GSG1L: variants seen among roughly 807,000 people sequenced by gnomAD.
GSG1L encodes the protein GSG1 like.
Under a neutral mutation model 42.1 loss-of-function variants are expected in GSG1L, and 24 were observed. The observed-to-expected ratio is 0.57, with a 90% CI of 0.41 to 0.80. The LOEUF (loss-of-function observed/expected upper bound fraction) is 0.80, where lower values mean the gene tolerates loss of function less well. Ranked by LOEUF, GSG1L falls within the 30% of genes least tolerant of loss-of-function variation. GSG1L has a pLI of 0.00. For synonymous variants in GSG1L, 215 were observed against 203.5 expected (o/e 1.06, Z -0.48); for missense variants, 445 against 472.2 (o/e 0.94, Z 0.53).
chr16:27,938,774 A>C (rs576973671), intron 2 of GSG1L, among the ~76,000 whole-genome samples: 1 of 152,332 alleles, frequency 6.6e-6, no homozygotes, highest in South Asian at 2.1e-4. Flanking sequence ...GGTGGTAGGA[A>C]GTGAGCAGAA....
chr16:27,848,375 A>C (rs999855254), intron 3 of GSG1L, among the ~76,000 whole-genome samples: 1 of 152,248 alleles, frequency 6.6e-6, no homozygotes, highest in Non-Finnish European at 1.5e-5. Context: ...GTTAGTATAA[A>C]GGTCAAGAGT....
chr16:27,973,786 T>C (rs1280832269), intron 1 of GSG1L, among the ~76,000 whole-genome samples: 1 of 152,150 alleles, frequency 6.6e-6, no homozygotes, highest in Non-Finnish European at 1.5e-5. Flanking sequence ...GTGCATATTA[T>C]AGGGTAGGTC....
intron 3 of GSG1L, among the ~76,000 whole-genome samples, chr16:27,865,582 CAT>C (rs1360155312): frequency 1.0e-3 from 114 of 108,970 alleles, no homozygotes; most frequent in East Asian, 7.0e-3. Context: ...TACACACACA[CAT>C]ACATACATAC....
chr16:27,979,661 A>AAGAGAAAGAAAGAAAGAAAG (rs1555512079), intron 1 of GSG1L, among the ~76,000 whole-genome samples: 1 of 67,696 alleles, frequency 1.5e-5, no homozygotes, highest in Admixed American at 1.8e-4. Flanking sequence ...GAAAGAAAGA[A>AAGAGAAAGAAAGAAAGAAAG]AGAGAGAGAG....
At chr16:27,918,649 ACTCCAT>A (rs973533364) in intron 2 of GSG1L, among the ~76,000 whole-genome samples, 3 of 145,250 alleles carry the variant, frequency 2.1e-5, no homozygotes, top group African/African-American at 7.6e-5. Context: ...ACAGAGCAAG[ACTCCAT>A]CTCAAAAAAA....
intron 2 of GSG1L, among the ~76,000 whole-genome samples, chr16:27,909,325 CTCTTTCTTTCTTTTTCTT>C (rs1157817320): frequency 2.6e-5 from 4 of 151,634 alleles, no homozygotes; most frequent in Non-Finnish European, 4.4e-5. Flanking sequence ...TTTCTTTTCT[CTCTTTCTTTCTTTTTCTT>C]TCTTTCTTTC....
At chr16:27,973,520 G>T (rs187458124) in intron 1 of GSG1L, among the ~76,000 whole-genome samples, 1 of 148,658 alleles carries the variant, frequency 6.7e-6, no homozygotes, top group East Asian at 2.1e-4. Context: ...ACCTACATGC[G>T]GGTCAGAGGA....
At chr16:27,912,457 C>T (rs917325965) in intron 2 of GSG1L, among the ~76,000 whole-genome samples, 14 of 152,150 alleles carry the variant, frequency 9.2e-5, no homozygotes, top group African/African-American at 3.4e-4. Context: ...GTTGAGGCTG[C>T]AGTGATCCCT....
chr16:28,054,256 C>T (rs559618429), intron 1 of GSG1L, among the ~76,000 whole-genome samples: 3 of 152,200 alleles, frequency 2.0e-5, no homozygotes, highest in African/African-American at 7.2e-5. Flanking sequence ...CCCTCCTCTA[C>T]CTCCATCACC....
chr16:27,965,698 C>A (rs4788018), intron 1 of GSG1L, among the ~76,000 whole-genome samples: 36,995 of 152,118 alleles, frequency 0.24, 4,984 homozygotes, highest in East Asian at 0.49. Context: ...CTTCCCAATG[C>A]GTCTAGCATC....
chr16:27,849,118 GGCAGAAGCT>G (rs1349095449), intron 3 of GSG1L, among the ~76,000 whole-genome samples: 1 of 151,004 alleles, frequency 6.6e-6, no homozygotes, highest in Non-Finnish European at 1.5e-5. Flanking sequence ...AAACCTAGGA[GGCAGAAGCT>G]GCAGAAGCTG....
In GSG1L at chr16:28,063,442, G is replaced by A; in HGVS notation, c.-18C>T. The A allele has an allele frequency of 8.1e-7, 1 of 1,231,012 alleles. No homozygotes were observed. Among genetic ancestry groups the A allele is most frequent in the Non-Finnish European group, 1.0e-6 (1 of 981,798 alleles). The allele number at this position is 1,231,012 out of a possible 1,614,324, so 76.3% of individuals were successfully genotyped here. ...GTCTTCATGCCGCCCGCGCCGCCGG[G>A]ACGGGACTGCACCGCCGGGGAGCTC... On this transcript the variant is annotated 5_prime_UTR_variant, in exon 1 of 7. Transcript: ENST00000447459. This position sits in a 1 kb window ranked among gnomAD's most constrained non-coding sequence, Gnocchi z 5.8.
chr16:27,940,034 G>A (rs2084769443), intron 2 of GSG1L, among the ~76,000 whole-genome samples: 1 of 152,176 alleles, frequency 6.6e-6, no homozygotes, highest in African/African-American at 2.4e-5. Context: ...CCATCAAAAA[G>A]CGGGCAAGGA....
chr16:28,042,145 CAT>C (rs2141185960), intron 1 of GSG1L, among the ~76,000 whole-genome samples: 1 of 152,228 alleles, frequency 6.6e-6, no homozygotes, highest in African/African-American at 2.4e-5. Flanking sequence ...CTAGTAAAGT[CAT>C]AAAATGGGCT....
At chr16:28,056,496 C>G (rs2086281121) in intron 1 of GSG1L, among the ~76,000 whole-genome samples, 2 of 149,392 alleles carry the variant, frequency 1.3e-5, no homozygotes, top group Non-Finnish European at 3.0e-5. Context: ...GGAGGGATAG[C>G]ATTAGGAGAT....
At chr16:27,940,506 T>C (rs1242648203) in intron 2 of GSG1L, among the ~76,000 whole-genome samples, 1 of 140,834 alleles carries the variant, frequency 7.1e-6, no homozygotes, top group African/African-American at 2.6e-5. Context: ...ATATACACCA[T>C]GGAATACTAT....
rs553614382 is a variant in GSG1L, at chr16:27,828,912, G to A, written c.707C>T (p.Thr236Ile). The A allele has an allele frequency of 1.2e-6, 2 of 1,614,232 alleles. No homozygotes were observed. The highest frequency in any genetic ancestry group is 2.7e-5 in the African/African-American group (2 of 75,056). The change falls in exon 5 of 7, where the codon ACC becomes ATC. Residue 236 changes from threonine to isoleucine, a missense_variant. By Grantham distance (89) the Thr-to-Ile change is moderately conservative (BLOSUM62 -1). Coordinates refer to ENST00000447459, the MANE Select transcript of GSG1L (RefSeq NM_001109763.2). ...SFTCCMAASV[T>I]TLNSYTKTVI... is the part of the protein sequence containing the mutation. ...CGTCTTGGTGTAGGAGTTGAGCGTG[G>A]TGACAGAGGCTGCCATGCAGCAGGT...
At chr16:28,001,770 C>T (rs1246379654) in intron 1 of GSG1L, among the ~76,000 whole-genome samples, 3 of 152,184 alleles carry the variant, frequency 2.0e-5, no homozygotes, top group Admixed American at 2.0e-4. Context: ...GAGTATGTAT[C>T]AGCCCAGAAG....
In GSG1L at chr16:27,790,139, T is replaced by C. The variant is rs942344889; in HGVS notation, c.*1231A>G. The C allele has an allele frequency of 6.6e-6, 1 of 150,798 alleles. No individual in the cohort carries two copies. Among genetic ancestry groups the C allele is most frequent in the African/African-American group, 2.4e-5 (1 of 40,874 alleles). 9.3% of individuals were successfully genotyped at this position (150,798 alleles called of 1,614,324 possible). A position where few individuals can be genotyped will look rare whatever the true frequency, so the allele number is the denominator to read the frequency against. The stretch of plus-strand genomic sequence containing the variant: ...ATGGATGGATGAGTGGAAAGATGAA[T>C]TATGAATGATGGATGGATGATGAAT... On this transcript the variant is annotated 3_prime_UTR_variant, in exon 7 of 7. Coordinates refer to ENST00000447459, the MANE Select transcript of GSG1L (RefSeq NM_001109763.2).
Sources: gnomAD v4.1 joint callset for allele counts (sites outside exome capture counted in the v4.1 genomes callset) on GRCh38, gnomAD v4.1.1 for gene constraint, Gnocchi (gnomAD v3.1) non-coding constraint, MANE v1.5 for transcripts, NCBI Gene and HGNC (gene_info 2026-07-23, HGNC 2026-07-21) for gene names.